The following JAK1 variants were observed in gnomAD, a reference collection of about 807,000 sequenced individuals.
JAK1 encodes the protein tyrosine-protein kinase JAK1.
In JAK1, 16 loss-of-function variants were observed where a neutral mutation model predicts 136.6. The ratio of observed to expected loss-of-function variants is 0.12; its 90% CI spans 0.08 to 0.18. The LOEUF (loss-of-function observed/expected upper bound fraction) is 0.18, where lower values mean the gene tolerates loss of function less well. Among genes scored for constraint, JAK1 ranks in the 10% least tolerant of loss-of-function variants. The probability of loss-of-function intolerance (pLI) is 1.00; values close to 1 mark genes in which losing one functional copy is unlikely to be tolerated. For synonymous variants in JAK1, 492 were observed against 519.5 expected (o/e 0.95, Z 0.72); for missense variants, 859 against 1,450.1 (o/e 0.59, Z 6.62).
At chr1:65,007,605 C>T (rs543176593) in intron 2 of JAK1, among the ~76,000 whole-genome samples, 2 of 152,014 alleles carry the variant, frequency 1.3e-5, no homozygotes, top group African/African-American at 2.4e-5. Flanking sequence ...GGACTACAGG[C>T]GCATGCCACC....
rs1292527144 is a variant in JAK1 at position 64,984,096 on chromosome 1, C to A, written c.-78+60384G>T. Among the ~76,000 whole-genome samples the A allele has an allele frequency of 6.6e-6, 1 of 152,122 alleles. No individual in the cohort carries two copies. Among genetic ancestry groups the A allele is most frequent in the African/African-American group, 2.4e-5 (1 of 41,408 alleles). On this transcript the variant is annotated intron_variant, in intron 2 of 25. Coordinates refer to the JAK1 transcript ENST00000671954. This position sits in a 1 kb window ranked among gnomAD's most constrained non-coding sequence, Gnocchi z 4.1. Reference sequence around the variant, plus strand: ...GTTTCCTTATGTTTTCATTATTTGGCAAAATTACACTTAAAACATAATATT... The same window carrying A: ...GTTTCCTTATGTTTTCATTATTTGGAAAAATTACACTTAAAACATAATATT...
intron 1 of JAK1, among the ~76,000 whole-genome samples, chr1:64,950,155 A>G (rs946494450): frequency 6.6e-6 from 1 of 152,236 alleles, no homozygotes; most frequent in African/African-American, 2.4e-5. Context: ...TACACCTGCA[A>G]TCCCAGCACT....
Position 64,917,432 on chromosome 1 carries a change from T to C in JAK1, c.-77-31091A>G, listed in dbSNP as rs571709207. ...AAATAAAGATTAAACAAAGAGGAAG[T>C]GAAGGGAACTCCCAGGAGCACAGAA... On this transcript the variant is annotated intron_variant, in intron 1 of 24. Transcript: ENST00000342505. Among the ~76,000 whole-genome samples the C allele has an allele frequency of 1.3e-4, 20 of 151,978 alleles. No homozygotes were observed. In the South Asian group the frequency reaches 3.9e-3, roughly 30 times the overall value.
chr1:64,882,070 C>A (rs186446066), intron 3 of JAK1, among the ~76,000 whole-genome samples: 101 of 152,286 alleles, frequency 6.6e-4, no homozygotes, highest in African/African-American at 2.3e-3. Context: ...AATAACTTGA[C>A]AATATTACTG....
chr1:64,912,186 C>A (rs1159361493), intron 1 of JAK1, among the ~76,000 whole-genome samples: 1 of 152,104 alleles, frequency 6.6e-6, no homozygotes, highest in South Asian at 2.1e-4. Context: ...AGGCTGGAAC[C>A]CAGAGTAGAC....
chr1:65,043,920 C>T (rs1261928977), intron 2 of JAK1, among the ~76,000 whole-genome samples: 1 of 152,054 alleles, frequency 6.6e-6, no homozygotes, highest in Non-Finnish European at 1.5e-5. Flanking sequence ...TAGGGTTTCA[C>T]CATGTTGGCC....
intron 1 of JAK1, among the ~76,000 whole-genome samples, chr1:64,964,787 A>G (rs2100646293): frequency 6.6e-6 from 1 of 152,376 alleles, no homozygotes; most frequent in East Asian, 1.9e-4. Flanking sequence ...TCATTCCAGT[A>G]TGATGTCTTC....
In JAK1 at chr1:64,907,733, C is replaced by T. The variant is rs527969396; in HGVS notation, c.-77-21392G>A. ...GTTATGAGTGTACCCTCAGCCCTGA[C>T]ATGCCAGGATCTCCCTAATTTTATA... is the stretch of plus-strand genomic sequence containing the variant. On this transcript the variant is annotated intron_variant, in intron 1 of 24. Transcript: ENST00000342505. Among the ~76,000 whole-genome samples the T allele has an allele frequency of 2.0e-5, 3 of 152,254 alleles. No homozygotes were observed. In the East Asian group the frequency reaches 5.8e-4, roughly 29 times the overall value.
At position 64,980,278 on chromosome 1, in the gene JAK1, C is replaced by T. The variant is rs538480096; in HGVS notation, c.-78+64202G>A. On this transcript the variant is annotated intron_variant, in intron 2 of 25. Coordinates refer to the JAK1 transcript ENST00000671954. ...GAGTGAGGTAACTTCTGGAGGGACA[C>T]TTCCACCTCCTCATTCTACTCTGTT... is the stretch of plus-strand genomic sequence containing the variant. 2.0e-5 allele frequency among the ~76,000 whole-genome samples: 3 copies of T among 152,276 alleles called. No individual in the cohort carries two copies. The South Asian group carries it at 6.2e-4, about 32-fold the overall frequency.
chr1:64,860,820 A>G, intron 8 of JAK1, among the ~76,000 whole-genome samples: 1 of 130,482 alleles, frequency 7.7e-6, no homozygotes, highest in Non-Finnish European at 1.6e-5. Context: ...AAACTATCAG[A>G]TGACTCTGTG....
chr1:64,847,918 T>G (rs182581533), intron 12 of JAK1, among the ~76,000 whole-genome samples: 51 of 152,250 alleles, frequency 3.3e-4, no homozygotes, highest in Admixed American at 3.3e-3. Context: ...GGCTCCTTGC[T>G]TTCTACCCCT....
chr1:64,950,484 T>C (rs1040087387), intron 1 of JAK1, among the ~76,000 whole-genome samples: 15 of 152,082 alleles, frequency 9.9e-5, no homozygotes, highest in Admixed American at 4.6e-4. Context: ...TTTAAAAAAC[T>C]AGAACAAAGT....
At chr1:64,969,311 TG>T (rs1557735455), upstream of JAK1, among the ~76,000 whole-genome samples, 1 of 151,956 alleles carries the variant, frequency 6.6e-6, no homozygotes, top group Non-Finnish European at 1.5e-5. Context: ...CTTGTTGTAG[TG>T]GGGGTGTCCT....
chr1:64,840,213 G>A (rs1654802653), intron 19 of JAK1, among the ~76,000 whole-genome samples: 1 of 152,200 alleles, frequency 6.6e-6, no homozygotes, highest in African/African-American at 2.4e-5. Flanking sequence ...TTCCAGCCAA[G>A]CCACCTGACA....
At chr1:64,962,796 G>A (rs1249609041) in intron 1 of JAK1, among the ~76,000 whole-genome samples, 3 of 152,150 alleles carry the variant, frequency 2.0e-5, no homozygotes, top group Non-Finnish European at 2.9e-5. Context: ...GGCCAGGCGC[G>A]GTGGCTCACG....
chr1:64,860,826 C>CTGTGTGTGTGTGTGTGTGTGTG (rs72032330), intron 8 of JAK1, among the ~76,000 whole-genome samples: 6 of 120,574 alleles, frequency 5.0e-5, no homozygotes, highest in South Asian at 2.6e-4. Flanking sequence ...TCAGATGACT[C>CTGTGTGTGTGTGTGTGTGTGTG]TGTGTGTGTG....
At position 64,864,941 on chromosome 1, in the gene JAK1, A is replaced by C; in HGVS notation, c.1022T>G (p.Leu341Arg). The change falls in exon 8 of 25, where the codon CTG (leucine) becomes CGG (arginine). Residue 341 changes from leucine to arginine, a missense_variant. This residue lies in a region of JAK1 where 353 missense variants were observed against 494.0 expected (regional missense o/e 0.71). Transcript: ENST00000342505. ...VVSVEKEKNK[L>R]KRKKLENKHK... The stretch of plus-strand genomic sequence containing the variant: ...TTTATTTTCCAGTTTTTTCCGCTTC[A>C]GTTTATTTTTTTCCTTTTCAACAGA... 6.2e-7 allele frequency: 1 copy of C among 1,613,296 alleles called. No individual in the cohort carries two copies. The highest frequency in any genetic ancestry group is 8.5e-7 in the Non-Finnish European group (1 of 1,179,766).
chr1:64,888,237 A>G lies in JAK1; in HGVS notation c.-77-1896T>C, dbSNP rs539960074. ...TCACTCTGTCGCCAGGCTGGAGTGC[A>G]GTGGCATGATCTCAGCTCACTGCAA... On this transcript the variant is annotated intron_variant, in intron 1 of 24. Transcript: ENST00000342505. Among the ~76,000 whole-genome samples the G allele has an allele frequency of 1.1e-4, 16 of 152,330 alleles. 1 individual carries two copies. In the South Asian group the frequency reaches 3.1e-3, roughly 30 times the overall value.
rs184000578 is a variant in JAK1, at chr1:65,005,044, C to G, written c.-78+39436G>C. Among the ~76,000 whole-genome samples, 458 of 152,254 alleles carry G rather than the reference C, an allele frequency of 3.0e-3. 3 individuals carry two copies. Among genetic ancestry groups the G allele is most frequent in the African/African-American group, 0.011 (441 of 41,532 alleles). On this transcript the variant is annotated intron_variant, in intron 2 of 25. Coordinates refer to the JAK1 transcript ENST00000671954. ...AAAGCATCATCTCCTATATTTTTCC[C>G]ATACTGTGATTTCTAGTTTGTCATT...
Sources: allele counts gnomAD v4.1 joint callset (sites outside exome capture counted in the v4.1 genomes callset), GRCh38; gene constraint gnomAD v4.1.1; regional missense constraint gnomAD v4.1.1; non-coding constraint Gnocchi (gnomAD v3.1); transcripts MANE v1.5; gene names NCBI Gene and HGNC (gene_info 2026-07-23, HGNC 2026-07-21).